The following SSBP2 variants were observed in gnomAD, a reference collection of about 807,000 sequenced individuals.
SSBP2 encodes single stranded DNA binding protein 2, also known as single-stranded DNA-binding protein 2.
In SSBP2, 17 loss-of-function variants were observed where a neutral mutation model predicts 61.8. That is an observed-to-expected ratio of 0.28 (90% confidence interval 0.19 to 0.41). The LOEUF (loss-of-function observed/expected upper bound fraction) is 0.41. Among genes scored for constraint, SSBP2 ranks in the 10% least tolerant of loss-of-function variants. The pLI is 1.00. For missense variants in SSBP2, 310 were observed against 458.7 expected (o/e 0.68, Z 2.96); for synonymous variants, 139 against 141.3 (o/e 0.98, Z 0.12).
At chr5:81,644,585 A>T (rs998012048) in intron 2 of SSBP2, among the ~76,000 whole-genome samples, 1 of 152,226 alleles carries the variant, frequency 6.6e-6, no homozygotes. Context: ...GTTGGTGCCT[A>T]TACTGTACAA....
At chr5:81,747,718 C>G (rs1159111971) in intron 1 of SSBP2, among the ~76,000 whole-genome samples, 1 of 151,994 alleles carries the variant, frequency 6.6e-6, no homozygotes, top group Non-Finnish European at 1.5e-5. Flanking sequence ...GTTCAAGATA[C>G]CTCAGAGAAG....
At chr5:81,438,299 C>T (rs986624388) in intron 14 of SSBP2, among the ~76,000 whole-genome samples, 20 of 148,960 alleles carry the variant, frequency 1.3e-4, no homozygotes, top group Middle Eastern at 3.5e-3. Context: ...TGCAGTGAGC[C>T]GAGATCACAT....
chr5:81,587,407 T>C (rs1581098827), intron 4 of SSBP2, among the ~76,000 whole-genome samples: 1 of 152,224 alleles, frequency 6.6e-6, no homozygotes, highest in East Asian at 1.9e-4. Flanking sequence ...AGAAGTTAAA[T>C]AGGGTATCAG....
intron 3 of SSBP2, among the ~76,000 whole-genome samples, chr5:81,631,898 G>A (rs1203039096): frequency 1.3e-5 from 2 of 152,142 alleles, no homozygotes; most frequent in Non-Finnish European, 2.9e-5. Context: ...TTGCTGAAAT[G>A]ATAAGTAGTG....
At chr5:81,474,643 C>T (rs955730224) in intron 6 of SSBP2, 81 bp from the exon 7 acceptor site, 80 of 975,888 alleles carry the variant, frequency 8.2e-5, no homozygotes, top group Non-Finnish European at 3.3e-5. Context: ...CTTTTAAATG[C>T]TTGTATGATA....
chr5:81,537,979 T>C (rs898000228), intron 4 of SSBP2, among the ~76,000 whole-genome samples: 5 of 152,078 alleles, frequency 3.3e-5, no homozygotes, highest in Non-Finnish European at 4.4e-5. Context: ...AATAACCCTA[T>C]AATGGCCCCT....
Position 81,677,829 on chromosome 5 carries a change from G to GAA in SSBP2, c.63-27492_63-27491dup, listed in dbSNP as rs796801784. Among the ~76,000 whole-genome samples, 50 of 102,022 alleles carry GAA rather than the reference G, an allele frequency of 4.9e-4. No homozygotes were observed. In the South Asian group the frequency reaches 5.4e-3, roughly 11 times the overall value. The allele number at this position is 102,022 out of a possible 152,430, so 66.9% of individuals were successfully genotyped here. On this transcript the variant is annotated intron_variant, in intron 1 of 16. Transcript: ENST00000320672. ...AGACATCTTGTCCCACCTTAAGGGT[G>GAA]AAAAAAAAAAAAAAAAAGCACTGAT... is the stretch of plus-strand genomic sequence containing the variant.
intron 6 of SSBP2, among the ~76,000 whole-genome samples, chr5:81,479,018 A>T (rs1181750620): frequency 6.6e-6 from 1 of 152,208 alleles, no homozygotes. Context: ...TTGGTTTTCA[A>T]AATGAGTGTT....
At chr5:81,600,940 G>A (rs1475239902) in intron 4 of SSBP2, among the ~76,000 whole-genome samples, 1 of 152,020 alleles carries the variant, frequency 6.6e-6, no homozygotes, top group African/African-American at 2.4e-5. Flanking sequence ...GAACAATACA[G>A]AATAAAAATT....
chr5:81,597,004 T>G lies in SSBP2; in HGVS notation c.282+18469A>C, dbSNP rs549347666. Among the ~76,000 whole-genome samples, 15 of 151,864 alleles carry G rather than the reference T, an allele frequency of 9.9e-5. No individual in the cohort carries two copies. In the South Asian group the frequency reaches 1.2e-3, roughly 13 times the overall value. On this transcript the variant is annotated intron_variant, in intron 4 of 16. Coordinates refer to ENST00000320672, the MANE Select transcript of SSBP2 (RefSeq NM_012446.5). ...ATTGACAAATGGGATCTAATTAAAC[T>G]CAAGAGCTTCTGCACAGCAAAAGAA... is the stretch of plus-strand genomic sequence containing the variant.
At chr5:81,714,232 T>A (rs1035659218) in intron 1 of SSBP2, among the ~76,000 whole-genome samples, 53 of 152,370 alleles carry the variant, frequency 3.5e-4, no homozygotes, top group African/African-American at 9.9e-4. Flanking sequence ...GCAAAGGACA[T>A]GAACTCATCC....
chr5:81,438,795 A>C (rs1262872255), intron 14 of SSBP2, among the ~76,000 whole-genome samples: 1 of 152,216 alleles, frequency 6.6e-6, no homozygotes. Flanking sequence ...ATTATTTTGC[A>C]ATAAATTGGA....
chr5:81,554,639 C>G (rs551700436), intron 4 of SSBP2, among the ~76,000 whole-genome samples: 1 of 151,832 alleles, frequency 6.6e-6, no homozygotes, highest in Admixed American at 6.6e-5. Context: ...AAACCACTAG[C>G]CTTTTTGACT....
At chr5:81,474,161 C>G (rs1561442989) in intron 7 of SSBP2, among the ~76,000 whole-genome samples, 1 of 152,134 alleles carries the variant, frequency 6.6e-6, no homozygotes, top group Non-Finnish European at 1.5e-5. Context: ...TTCAGATGGG[C>G]TAAGGCCTCT....
chr5:81,576,941 AGAGAATCTACATC>A (rs1231138329), intron 4 of SSBP2, among the ~76,000 whole-genome samples: 2 of 152,190 alleles, frequency 1.3e-5, no homozygotes, highest in South Asian at 2.1e-4. Flanking sequence ...TAAGAGAATA[AGAGAATCTACATC>A]ATTACAAAAA....
At chr5:81,584,898 G>A (rs1156750096) in intron 4 of SSBP2, among the ~76,000 whole-genome samples, 1 of 151,976 alleles carries the variant, frequency 6.6e-6, no homozygotes, top group Non-Finnish European at 1.5e-5. Context: ...AGCATATAAT[G>A]CTGTCATATA....
intron 4 of SSBP2, among the ~76,000 whole-genome samples, chr5:81,608,424 T>C (rs1472531559): frequency 6.6e-6 from 1 of 152,136 alleles, no homozygotes; most frequent in Non-Finnish European, 1.5e-5. Context: ...CATCATGCCC[T>C]CAGATTCACC....
intron 1 of SSBP2, among the ~76,000 whole-genome samples, chr5:81,662,742 A>G (rs1581279691): frequency 6.6e-6 from 1 of 152,162 alleles, no homozygotes; most frequent in Admixed American, 6.5e-5. Flanking sequence ...CGGAGGTTGC[A>G]GCAAGCCAAG....
Position 81,623,709 on chromosome 5 carries a change from A to G in SSBP2, c.198-8152T>C, listed in dbSNP as rs1746860382. ...TAATTTATTGATTTATTGTTGGCGT[A>G]TGCCCTAAGAGTTATTAAATAAACA... On this transcript the variant is annotated intron_variant, in intron 3 of 16. Coordinates refer to ENST00000320672, the MANE Select transcript of SSBP2 (RefSeq NM_012446.5). Among the ~76,000 whole-genome samples, 4 of 152,012 alleles carry G rather than the reference A, an allele frequency of 2.6e-5. No individual in the cohort carries two copies. The South Asian group carries it at 8.4e-4, about 32-fold the overall frequency.
Sources: allele counts gnomAD v4.1 joint callset (sites outside exome capture counted in the v4.1 genomes callset), GRCh38; gene constraint gnomAD v4.1.1; transcripts MANE v1.5; gene names NCBI Gene and HGNC (gene_info 2026-07-23, HGNC 2026-07-21).